Variants in PLEKHA7 observed in about 807,000 individuals in gnomAD.
The protein encoded by PLEKHA7 is pleckstrin homology domain containing A7, also known as pleckstrin homology domain-containing family A member 7.
A neutral mutation model predicts 170.0 loss-of-function variants in PLEKHA7; 104 were observed. The ratio of observed to expected loss-of-function variants is 0.61; its 90% CI spans 0.52 to 0.72. The LOEUF (loss-of-function observed/expected upper bound fraction) is 0.72. Ranked by LOEUF, PLEKHA7 falls within the 30% of genes least tolerant of loss-of-function variation. The probability of loss-of-function intolerance (pLI) is 0.00; values close to 1 mark genes in which losing one functional copy is unlikely to be tolerated. For missense variants in PLEKHA7, 1,615 were observed against 1,671.7 expected, an observed-to-expected ratio of 0.97 and a Z score of 0.59; for synonymous variants, 648 against 660.8, an observed-to-expected ratio of 0.98 and a Z score of 0.30.
intron 3 of PLEKHA7, among the ~76,000 whole-genome samples, chr11:16,882,468 A>G (rs1045764331): frequency 6.6e-6 from 1 of 152,230 alleles, no homozygotes; most frequent in Non-Finnish European, 1.5e-5. Context: ...TCCCCAAACT[A>G]TCATATTAAA....
rs1379833580 is a variant in PLEKHA7 at position 16,823,298 on chromosome 11, A to C, written c.1343+2822T>G. ...TGGGATTATAGGTATCAACCCCCAT[A>C]CCTGGTCAACCTAAGGAGCTTTTAA... On this transcript the variant is annotated intron_variant, in intron 10 of 26. Transcript: ENST00000531066. 2.0e-5 allele frequency among the ~76,000 whole-genome samples: 3 copies of C among 152,230 alleles called. No individual in the cohort carries two copies. The East Asian group carries it at 5.8e-4, about 29-fold the overall frequency.
At chr11:16,813,851 G>C (rs978272006) in intron 12 of PLEKHA7, among the ~76,000 whole-genome samples, 7 of 152,188 alleles carry the variant, frequency 4.6e-5, no homozygotes, top group Admixed American at 2.6e-4. Flanking sequence ...ATAATTACCA[G>C]AAACAGTGAA....
chr11:16,814,802 C>A, intron 12 of PLEKHA7, among the ~76,000 whole-genome samples: 1 of 152,322 alleles, frequency 6.6e-6, no homozygotes, highest in Non-Finnish European at 1.5e-5. Context: ...TAAGAGAGGG[C>A]GCCCTGCATC....
Position 16,833,981 on chromosome 11 carries a change from T to TTATATATATATATATATATA in PLEKHA7, c.873-7392_873-7391insTATATATATATATATATATA, listed in dbSNP as rs10525520. ...GGTGGATCACCTGAGCTCAGGAGTTTTATATATAGATATATGTTTTTTGTT... is the reference window on the plus strand; with the variant it reads ...GGTGGATCACCTGAGCTCAGGAGTTTTATATATATATATATATATATATATATAGATATATGTTTTTTGTT... On this transcript the variant is annotated intron_variant, in intron 9 of 26. Coordinates refer to ENST00000531066, the MANE Select transcript of PLEKHA7 (RefSeq NM_001329630.2). Among the ~76,000 whole-genome samples, 36 of 151,276 alleles carry TTATATATATATATATATATA rather than the reference T, an allele frequency of 2.4e-4. 1 individual carries two copies. The highest frequency in any genetic ancestry group is 5.9e-4 in the East Asian group (3 of 5,076).
rs1351092809 is a variant in PLEKHA7 at position 16,794,721 on chromosome 11, G to A, written c.2519-7C>T. The A allele has an allele frequency of 1.9e-6, 3 of 1,612,666 alleles. No individual in the cohort carries two copies. The Admixed American group carries it at 5.0e-5, about 27-fold the overall frequency. On this transcript the variant is annotated splice_polypyrimidine_tract_variant and splice_region_variant and intron_variant, in intron 18 of 26. Coordinates refer to ENST00000531066, the MANE Select transcript of PLEKHA7 (RefSeq NM_001329630.2). ...AAAGGCACCGTTTTTCTCTCTAAGG[G>A]GCATAGAAGGAAACAAAGCACGGGA...
chr11:16,987,725 C>A (rs528656058), intron 3 of PLEKHA7, among the ~76,000 whole-genome samples: 1 of 152,336 alleles, frequency 6.6e-6, no homozygotes, highest in African/African-American at 2.4e-5. Flanking sequence ...CTAGGCCCAA[C>A]TCAAATGTCA....
intron 3 of PLEKHA7, among the ~76,000 whole-genome samples, chr11:16,918,951 C>G (rs562380441): frequency 6.6e-6 from 1 of 152,242 alleles, no homozygotes; most frequent in African/African-American, 2.4e-5. Flanking sequence ...TGGCTCATGC[C>G]TATAATGCCA....
At chr11:16,969,960 G>C (rs375468010) in intron 3 of PLEKHA7, among the ~76,000 whole-genome samples, 1 of 152,200 alleles carries the variant, frequency 6.6e-6, no homozygotes, top group Non-Finnish European at 1.5e-5. Context: ...TATGCCCAGA[G>C]TGATGTCAAA....
intron 3 of PLEKHA7, among the ~76,000 whole-genome samples, chr11:16,991,636 T>G (rs1864048832): frequency 6.6e-6 from 1 of 151,932 alleles, no homozygotes; most frequent in African/African-American, 2.4e-5. Flanking sequence ...GCAGCAGGGA[T>G]GGGAGGAAAT....
At chr11:16,939,171 G>A (rs1860509631) in intron 3 of PLEKHA7, among the ~76,000 whole-genome samples, 1 of 152,150 alleles carries the variant, frequency 6.6e-6, no homozygotes, top group African/African-American at 2.4e-5. Context: ...CAGCGCTTTG[G>A]GAGGCTGAAG....
Position 16,982,984 on chromosome 11 carries a change from G to A in PLEKHA7, c.221+31005C>T, listed in dbSNP as rs143115315. ...ACCTGGCTCACCCCTCACCCTTCAG[G>A]AGCCCACTCAAGCATCATGTGCTCT... On this transcript the variant is annotated intron_variant, in intron 3 of 26. Coordinates refer to ENST00000531066, the MANE Select transcript of PLEKHA7 (RefSeq NM_001329630.2). 1.5e-3 allele frequency among the ~76,000 whole-genome samples: 221 copies of A among 152,036 alleles called. 1 individual carries two copies. Among genetic ancestry groups the A allele is most frequent in the African/African-American group, 5.1e-3 (210 of 41,466 alleles).
intron 4 of PLEKHA7, among the ~76,000 whole-genome samples, chr11:16,866,797 G>C (rs2135596757): frequency 6.6e-6 from 1 of 152,238 alleles, no homozygotes; most frequent in South Asian, 2.1e-4. Context: ...GGCCCCATTA[G>C]ATCACAGCTT....
intron 3 of PLEKHA7, among the ~76,000 whole-genome samples, chr11:16,916,611 A>G (rs1858703491): frequency 6.6e-6 from 1 of 152,212 alleles, no homozygotes; most frequent in East Asian, 1.9e-4. Flanking sequence ...ACAACCCTGA[A>G]GAGGAAACAG....
chr11:16,967,397 T>A (rs1394826350), intron 3 of PLEKHA7, among the ~76,000 whole-genome samples: 1 of 152,332 alleles, frequency 6.6e-6, no homozygotes, highest in South Asian at 2.1e-4. Flanking sequence ...TGTTCTCTTA[T>A]AGCAAAATAA....
At chr11:16,955,477 T>C (rs897890517) in intron 3 of PLEKHA7, among the ~76,000 whole-genome samples, 2 of 152,234 alleles carry the variant, frequency 1.3e-5, no homozygotes, top group African/African-American at 4.8e-5. Context: ...ACTCATTTTT[T>C]ATTCCCCAGC....
chr11:16,926,592 C>A (rs1234098132), intron 3 of PLEKHA7, among the ~76,000 whole-genome samples: 2 of 152,152 alleles, frequency 1.3e-5, no homozygotes, highest in African/African-American at 4.8e-5. Context: ...CACCAGGGAG[C>A]CTTAAGTCTT....
At chr11:16,831,801 C>T (rs1360129671) in intron 9 of PLEKHA7, among the ~76,000 whole-genome samples, 1 of 152,182 alleles carries the variant, frequency 6.6e-6, no homozygotes, top group Admixed American at 6.5e-5. Flanking sequence ...TAATGGTGCA[C>T]AGAAACAGCA....
At chr11:16,955,990 G>T (rs1861677010) in intron 3 of PLEKHA7, among the ~76,000 whole-genome samples, 1 of 152,070 alleles carries the variant, frequency 6.6e-6, no homozygotes, top group Non-Finnish European at 1.5e-5. Context: ...AACACAGCAA[G>T]ACCCAGTCAC....
chr11:16,798,884 C>T (rs572909343), intron 17 of PLEKHA7, among the ~76,000 whole-genome samples: 28 of 152,228 alleles, frequency 1.8e-4, no homozygotes, highest in South Asian at 8.3e-4. Context: ...AAAAGCAAAA[C>T]GCTGAAAATA....
Sources: allele counts gnomAD v4.1 joint callset (sites outside exome capture counted in the v4.1 genomes callset), GRCh38; gene constraint gnomAD v4.1.1; transcripts MANE v1.5; gene names NCBI Gene and HGNC (gene_info 2026-07-23, HGNC 2026-07-21).